The following AKT1S1 variants were observed in gnomAD, a reference collection of about 807,000 sequenced individuals.
AKT1S1 encodes the protein proline-rich AKT1 substrate 1.
In AKT1S1, 17 loss-of-function variants were observed where a neutral mutation model predicts 21.2. That is an observed-to-expected ratio of 0.80 (90% CI 0.55 to 1.20). The LOEUF (loss-of-function observed/expected upper bound fraction) is 1.20, where lower values mean the gene tolerates loss of function less well. Ranked by LOEUF, AKT1S1 falls within the 50% of genes most tolerant of loss-of-function variation. AKT1S1 has a pLI of 0.00. For synonymous variants in AKT1S1, 181 were observed against 165.6 expected, an observed-to-expected ratio of 1.09 and a Z score of -0.72; for missense variants, 366 against 368.3, an observed-to-expected ratio of 0.99 and a Z score of 0.05.
rs1198279783 is a variant in AKT1S1 at position 49,870,003 on chromosome 19, C to G, written c.685G>C (p.Glu229Gln). 6.5e-7 allele frequency: 1 copy of G among 1,547,384 alleles called. No homozygotes were observed. The highest frequency in any genetic ancestry group is 1.4e-5 in the African/African-American group (1 of 72,212). ...CCGAAGACCTGGGTGTCCTCGGCCTCTCGCAGCACCAGCGCGCGCATGCTC... is the reference window on the plus strand; with the variant it reads ...CCGAAGACCTGGGTGTCCTCGGCCTGTCGCAGCACCAGCGCGCGCATGCTC... ...AASMRALVLR[E>Q]AEDTQVFGDL... The change falls in exon 5 of 5, where the codon GAG becomes CAG. Residue 229 changes from glutamate (E) to glutamine (Q), a missense_variant. By Grantham distance (29) the Glu-to-Gln change is conservative (BLOSUM62 2). Transcript: ENST00000344175.
chr19:49,873,479 C>G lies in AKT1S1; in HGVS notation c.-7-177G>C, dbSNP rs1431433695. ...TCCCCAGGATTCTCACCATCCAGTC[C>G]TCGCAGGCCCAGACCCTGGCGACGT... On this transcript the variant is annotated intron_variant, in intron 1 of 4. Transcript: ENST00000344175. The surrounding 1 kb of genome is among the most constrained non-coding windows in gnomAD (Gnocchi z 6.9). 20 of 1,205,402 alleles carry G rather than the reference C, an allele frequency of 1.7e-5. No homozygotes were observed. The highest frequency in any genetic ancestry group is 2.2e-5 in the Non-Finnish European group (20 of 926,820). The allele number at this position is 1,205,402 out of a possible 1,614,324, so 74.7% of individuals were successfully genotyped here. A position where few individuals can be genotyped will look rare whatever the true frequency, so the allele number is the denominator to read the frequency against.
chr19:49,872,794 C>CTGGGG, intron 2 of AKT1S1, 123 bp downstream of exon 2: 1 of 1,207,844 alleles, frequency 8.3e-7, no homozygotes, highest in African/African-American at 1.5e-5. Flanking sequence ...CTGTCTGGCT[C>CTGGGG]TGGGGTCCTG....
At chr19:49,870,203 C>A in intron 4 of AKT1S1, 143 bp from the exon 5 acceptor site, 1 of 1,005,660 alleles carries the variant, frequency 9.9e-7, no homozygotes, top group South Asian at 2.6e-5. Flanking sequence ...TGCCCACTGC[C>A]AGCAGTGCCC....
intron 1 of AKT1S1, chr19:49,876,582 A>T (rs2074947565): frequency 6.7e-7 from 1 of 1,500,148 alleles, no homozygotes; most frequent in Non-Finnish European, 8.9e-7. Flanking sequence ...CACCGCGGTT[A>T]ACAACGCCGC....
intron 1 of AKT1S1, chr19:49,876,188 G>A (rs149506022): frequency 6.9e-6 from 7 of 1,015,336 alleles, no homozygotes; most frequent in Non-Finnish European, 8.2e-6. Context: ...GCTGCCCCGA[G>A]ACCTCCCAAC....
rs1414213615 is a variant in AKT1S1, at chr19:49,873,018, G to T, written c.278C>A (p.Pro93Gln). 3 of 1,568,750 alleles carry T rather than the reference G, an allele frequency of 1.9e-6. No homozygotes were observed. Among genetic ancestry groups the T allele is most frequent in the African/African-American group, 1.4e-5 (1 of 73,924 alleles). Reference protein sequence around the residue: ...APQPPSPTPSPPRPTLAREDN... With the variant: ...APQPPSPTPSQPRPTLAREDN... ...CTCTCTGGCCAGGGTAGGCCGGGGT[G>T]GGCTGGGTGTGGGACTGGGTGGCTG... The change falls in exon 2 of 5, where the codon CCA (proline) becomes CAA (glutamine). Residue 93 changes from proline to glutamine, a missense_variant. Physicochemically the swap from Pro to Gln is moderately conservative, Grantham distance 76 (BLOSUM62 -1). Transcript: ENST00000344175. The surrounding 1 kb of genome is among the most constrained non-coding windows in gnomAD (Gnocchi z 6.9).
chr19:49,872,134 C>T (rs961435106), intron 2 of AKT1S1, among the ~76,000 whole-genome samples: 3 of 152,232 alleles, frequency 2.0e-5, no homozygotes, highest in African/African-American at 7.2e-5. Context: ...TAACATGAAA[C>T]CTCTACGATC....
At position 49,872,909 on chromosome 19, in the gene AKT1S1, CCT is replaced by C; in HGVS notation, c.379+6_379+7del. 6.3e-7 allele frequency: 1 copy of C among 1,596,178 alleles called. No individual in the cohort carries two copies. The highest frequency in any genetic ancestry group is 8.5e-7 in the Non-Finnish European group (1 of 1,177,622). The stretch of plus-strand genomic sequence containing the variant: ...GGGCCGCACCCGCCCCTGCCCCCAC[CCT>C]CTCACCTCCATTATCACTAATGCCC... On this transcript the variant is annotated splice_donor_region_variant and intron_variant, in intron 2 of 4. Coordinates refer to ENST00000344175, the MANE Select transcript of AKT1S1 (RefSeq NM_001098633.4).
intron 4 of AKT1S1, 131 bp downstream of exon 4, chr19:49,871,416 C>T (rs2074881720): frequency 7.9e-7 from 1 of 1,265,276 alleles, no homozygotes; most frequent in Non-Finnish European, 1.1e-6. Flanking sequence ...AAGAACTCGC[C>T]TCTTGAGGTT....
chr19:49,870,880 G>A (rs1453448919), intron 4 of AKT1S1, among the ~76,000 whole-genome samples: 1 of 152,218 alleles, frequency 6.6e-6, no homozygotes, highest in Non-Finnish European at 1.5e-5. Context: ...GAGGGAGGAT[G>A]CACAGAAAAG....
At position 49,871,687 on chromosome 19, in the gene AKT1S1, C is replaced by T. The variant is rs1403989698; in HGVS notation, c.487G>A (p.Gly163Ser). 6.2e-6 allele frequency: 10 copies of T among 1,612,744 alleles called. No homozygotes were observed. The highest frequency in any genetic ancestry group is 2.2e-5 in the South Asian group (2 of 91,066). Reference protein sequence around the residue: ...DGSLSEETPAGPPTCSVPPAS... With the variant: ...DGSLSEETPASPPTCSVPPAS... ...GGGGGCACTGAGCAGGTGGGGGGGC[C>T]GGCGGGGGTCTCCTCGCTCAGGCTG... Residue 163 changes from glycine (G) to serine (S), a missense_variant, in exon 4 of 5, where the codon GGC (glycine) becomes AGC (serine). Gly to Ser is a moderately conservative substitution (Grantham distance 56). Transcript: ENST00000344175.
Position 49,869,909 on chromosome 19 carries a change from C to A in AKT1S1, c.*8G>T, listed in dbSNP as rs1001864543. On this transcript the variant is annotated 3_prime_UTR_variant, in exon 5 of 5. Transcript: ENST00000344175. The stretch of plus-strand genomic sequence containing the variant: ...CGGACGCGGCCCGGGGCGCTCCCTC[C>A]CTGGACTTCAATATTTCCGCTTCAG... 3 of 1,506,414 alleles carry A rather than the reference C, an allele frequency of 2.0e-6. No individual in the cohort carries two copies. The highest frequency in any genetic ancestry group is 2.7e-6 in the Non-Finnish European group (3 of 1,117,650). 93.3% of individuals were successfully genotyped at this position (1,506,414 alleles called of 1,614,324 possible).
At chr19:49,870,119 A>T in intron 4 of AKT1S1, 59 bp from the exon 5 acceptor site, 1 of 1,429,488 alleles carries the variant, frequency 7.0e-7, no homozygotes, top group Non-Finnish European at 9.2e-7. Flanking sequence ...CTGCACCCAC[A>T]CGCGGTCCAG....
chr19:49,874,963 C>G (rs1283043795), intron 1 of AKT1S1: 1 of 152,278 alleles, frequency 6.6e-6, no homozygotes, highest in Non-Finnish European at 1.5e-5. Context: ...TGGCATCTCA[C>G]CTATCTGACT....
intron 1 of AKT1S1, chr19:49,876,609 G>A (rs2074948015): frequency 3.3e-6 from 5 of 1,530,188 alleles, no homozygotes; most frequent in East Asian, 2.5e-5. Flanking sequence ...TCACGTGCCC[G>A]TAGCCAGCAT....
rs192507165 is a variant in AKT1S1, at chr19:49,876,726, G to A, written c.-8+511C>T. 8.2e-3 allele frequency: 11,443 copies of A among 1,397,144 alleles called. 73 individuals carry two copies. The highest frequency in any genetic ancestry group is 8.7e-3 in the Non-Finnish European group (9,318 of 1,068,218). 86.5% of individuals were successfully genotyped at this position (1,397,144 alleles called of 1,614,324 possible). A position where few individuals can be genotyped will look rare whatever the true frequency, so the allele number is the denominator to read the frequency against. On this transcript the variant is annotated intron_variant, in intron 1 of 4. Coordinates refer to ENST00000344175, the MANE Select transcript of AKT1S1 (RefSeq NM_001098633.4). ...CGCACACTCCGCCTCCCTTATCGGG[G>A]CCGCCCGAGATCAAGATGGCGGCCA...
Position 49,873,241 on chromosome 19 carries a change from G to A in AKT1S1, c.55C>T (p.Arg19Cys), listed in dbSNP as rs774892718. 2.2e-5 allele frequency: 33 copies of A among 1,534,866 alleles called. No individual in the cohort carries two copies. The highest frequency in any genetic ancestry group is 1.2e-4 in the Admixed American group (6 of 52,096). The change falls in exon 2 of 5, where the codon CGC becomes TGC. Residue 19 changes from arginine (R) to cysteine (C), a missense_variant. Coordinates refer to ENST00000344175, the MANE Select transcript of AKT1S1 (RefSeq NM_001098633.4). The surrounding 1 kb of genome is among the most constrained non-coding windows in gnomAD (Gnocchi z 6.9). ...TCCGTGCCAGTCCGGGCCCGGAAGC[G>A]CTCAGCGGCCCCCACCACGGCCTCC... is the stretch of plus-strand genomic sequence containing the variant. ...LWEAVVGAAE[R>C]FRARTGTELV...
chr19:49,871,941 C>G, intron 2 of AKT1S1, 52 bp from the exon 3 acceptor site: 1 of 1,578,242 alleles, frequency 6.3e-7, no homozygotes. Context: ...TAGCCATGCT[C>G]CATGTGTCCT....
chr19:49,874,236 C>T (rs1401625256), intron 1 of AKT1S1: 2 of 152,330 alleles, frequency 1.3e-5, no homozygotes, highest in Non-Finnish European at 2.9e-5. Context: ...ATAGGGGGTC[C>T]CACACTGTCT....
Sources: allele counts gnomAD v4.1 joint callset (sites outside exome capture counted in the v4.1 genomes callset), GRCh38; gene constraint gnomAD v4.1.1; non-coding constraint Gnocchi (gnomAD v3.1); transcripts MANE v1.5; gene names NCBI Gene and HGNC (gene_info 2026-07-23, HGNC 2026-07-21).